AGBL4: variants seen among roughly 807,000 people sequenced by gnomAD.
AGBL4 encodes the protein AGBL carboxypeptidase 4, also known as cytosolic carboxypeptidase 6.
Under a neutral mutation model 66.4 loss-of-function variants are expected in AGBL4, and 58 were observed. The observed-to-expected ratio is 0.87, with a 90% CI of 0.71 to 1.09. The LOEUF is 1.09. AGBL4 is among the 50% of genes least tolerant of loss of function. The pLI is 0.00. For missense variants in AGBL4, 579 were observed against 631.0 expected (o/e 0.92, Z 0.88); for synonymous variants, 234 against 222.9 (o/e 1.05, Z -0.44).
intron 6 of AGBL4, among the ~76,000 whole-genome samples, chr1:48,741,559 G>T (rs1230747627): frequency 6.6e-6 from 1 of 152,232 alleles, no homozygotes; most frequent in African/African-American, 2.4e-5. Context: ...GAGATGCAGG[G>T]AACGACACCA....
chr1:48,813,870 G>A lies in AGBL4; in HGVS notation c.634+53321C>T, dbSNP rs1646114795. 2.0e-5 allele frequency among the ~76,000 whole-genome samples: 3 copies of A among 151,648 alleles called. No individual in the cohort carries two copies. In the South Asian group the frequency reaches 6.3e-4, roughly 32 times the overall value. ...TTTTTTTTTTCAAATCAAGGCTCAGGAGAGGGCTCTGGGAGAAAAGGACCT... is the reference window on the plus strand; with the variant it reads ...TTTTTTTTTTCAAATCAAGGCTCAGAAGAGGGCTCTGGGAGAAAAGGACCT... On this transcript the variant is annotated intron_variant, in intron 6 of 13. Transcript: ENST00000371839.
At chr1:49,225,611 G>A (rs1304040715) in intron 4 of AGBL4, among the ~76,000 whole-genome samples, 1 of 152,142 alleles carries the variant, frequency 6.6e-6, no homozygotes, top group Non-Finnish European at 1.5e-5. Flanking sequence ...TGCCAAATTG[G>A]CTTTGGTACA....
At chr1:48,796,535 A>C (rs1454248300) in intron 6 of AGBL4, among the ~76,000 whole-genome samples, 1 of 152,146 alleles carries the variant, frequency 6.6e-6, no homozygotes, top group African/African-American at 2.4e-5. Context: ...GAAGCACTGG[A>C]GGTTGTGGGG....
At chr1:49,377,749 C>G (rs1201961273) in intron 3 of AGBL4, among the ~76,000 whole-genome samples, 1 of 152,046 alleles carries the variant, frequency 6.6e-6, no homozygotes, top group African/African-American at 2.4e-5. Flanking sequence ...CAGGCGCATA[C>G]AGCATGAATT....
intron 4 of AGBL4, among the ~76,000 whole-genome samples, chr1:49,067,187 T>C (rs1023142601): frequency 6.6e-6 from 1 of 152,062 alleles, no homozygotes; most frequent in Admixed American, 6.6e-5. Context: ...CCTCGAGGAA[T>C]AGATGATTAA....
intron 11 of AGBL4, among the ~76,000 whole-genome samples, chr1:48,554,021 C>T (rs1321895624): frequency 6.6e-6 from 1 of 152,072 alleles, no homozygotes; most frequent in Non-Finnish European, 1.5e-5. Flanking sequence ...CAAAGAAGAT[C>T]CCTAGGAGGT....
intron 1 of AGBL4, among the ~76,000 whole-genome samples, chr1:49,906,870 C>T (rs1035375118): frequency 3.9e-5 from 6 of 152,064 alleles, no homozygotes; most frequent in Non-Finnish European, 7.4e-5. Flanking sequence ...CTATTTCACT[C>T]TGTATGAAAT....
At chr1:48,717,534 G>A (rs530203868) in intron 6 of AGBL4, among the ~76,000 whole-genome samples, 6 of 152,186 alleles carry the variant, frequency 3.9e-5, no homozygotes, top group African/African-American at 1.4e-4. Context: ...GTGTGTGTGT[G>A]CGCGCGTGCA....
intron 3 of AGBL4, among the ~76,000 whole-genome samples, chr1:49,659,187 C>T (rs377153120): frequency 1.3e-5 from 2 of 151,876 alleles, no homozygotes; most frequent in East Asian, 1.9e-4. Context: ...AAGGAAATAC[C>T]ATTATCAGCC....
chr1:49,073,095 C>T (rs138960518), intron 4 of AGBL4, among the ~76,000 whole-genome samples: 42 of 152,286 alleles, frequency 2.8e-4, no homozygotes, highest in African/African-American at 8.7e-4. Context: ...TCAGCTCCAA[C>T]GGGTCATTTA....
chr1:49,849,569 C>T (rs1646254983), intron 2 of AGBL4, among the ~76,000 whole-genome samples: 1 of 151,714 alleles, frequency 6.6e-6, no homozygotes, highest in Non-Finnish European at 1.5e-5. Context: ...AAAACTGGCT[C>T]CTTTGTCAAG....
Position 49,222,209 on chromosome 1 carries a change from C to T in AGBL4, c.377+23561G>A, listed in dbSNP as rs145281740. On this transcript the variant is annotated intron_variant, in intron 4 of 13. Coordinates refer to ENST00000371839, the MANE Select transcript of AGBL4 (RefSeq NM_032785.4). ...TATGTACTATAATTTTATGCCCCACCTTATTCCACAAAGCATTTTAGGTGA... is the reference window on the plus strand; with the variant it reads ...TATGTACTATAATTTTATGCCCCACTTTATTCCACAAAGCATTTTAGGTGA... 4.1e-4 allele frequency among the ~76,000 whole-genome samples: 63 copies of T among 151,956 alleles called. No homozygotes were observed. In the East Asian group the frequency reaches 0.011, roughly 28 times the overall value.
At chr1:49,855,122 T>C (rs1380106666) in intron 1 of AGBL4, among the ~76,000 whole-genome samples, 1 of 152,166 alleles carries the variant, frequency 6.6e-6, no homozygotes, top group Non-Finnish European at 1.5e-5. Context: ...CAGTCTGGGG[T>C]ATTTCTTCCT....
chr1:49,061,730 T>C (rs574388486), intron 4 of AGBL4, among the ~76,000 whole-genome samples: 1 of 152,168 alleles, frequency 6.6e-6, no homozygotes. Context: ...GGAGACTAAG[T>C]AAGGTCAAGA....
chr1:49,657,552 C>A (rs148325243), intron 3 of AGBL4, among the ~76,000 whole-genome samples: 1 of 152,174 alleles, frequency 6.6e-6, no homozygotes, highest in African/African-American at 2.4e-5. Context: ...ATTGCCAAGA[C>A]AATCCTAAAC....
chr1:49,254,745 T>C (rs1386631041), intron 3 of AGBL4, among the ~76,000 whole-genome samples: 2 of 152,124 alleles, frequency 1.3e-5, no homozygotes, highest in Non-Finnish European at 2.9e-5. Flanking sequence ...GGAGGAATCA[T>C]GCTGCCTGAC....
At position 49,190,645 on chromosome 1, in the gene AGBL4, A is replaced by T. The variant is rs527570454; in HGVS notation, c.377+55125T>A. ...AAATAGTTGCACTCTTAATTTCTATAAACCTATTATTAAAACAATAATATG... is the reference window on the plus strand; with the variant it reads ...AAATAGTTGCACTCTTAATTTCTATTAACCTATTATTAAAACAATAATATG... On this transcript the variant is annotated intron_variant, in intron 4 of 13. Transcript: ENST00000371839. Among the ~76,000 whole-genome samples, 278 of 152,224 alleles carry T rather than the reference A, an allele frequency of 1.8e-3. 1 individual carries two copies. The highest frequency in any genetic ancestry group is 6.5e-3 in the African/African-American group (270 of 41,544).
intron 3 of AGBL4, among the ~76,000 whole-genome samples, chr1:49,297,037 C>A (rs1644657273): frequency 6.6e-6 from 1 of 152,196 alleles, no homozygotes; most frequent in South Asian, 2.1e-4. Context: ...ATGCTCAAGG[C>A]CAAAAGCATT....
chr1:49,895,576 T>C (rs1649115574), intron 1 of AGBL4, among the ~76,000 whole-genome samples: 1 of 151,972 alleles, frequency 6.6e-6, no homozygotes, highest in Admixed American at 6.6e-5. Context: ...AGTAGGGAGA[T>C]AAAGTTGAAA....
Sources: allele counts gnomAD v4.1 joint callset (sites outside exome capture counted in the v4.1 genomes callset), GRCh38; gene constraint gnomAD v4.1.1; transcripts MANE v1.5; gene names NCBI Gene and HGNC (gene_info 2026-07-23, HGNC 2026-07-21).